The following DMD variants were observed in gnomAD, a reference collection of about 807,000 sequenced individuals.
DMD encodes dystrophin.
A neutral mutation model predicts 330.1 loss-of-function variants in DMD; 63 were observed. The observed-to-expected ratio is 0.19, with a 90% CI of 0.16 to 0.24. The LOEUF is 0.24. DMD is among the 10% of genes least tolerant of loss of function. DMD has a pLI of 1.00. For synonymous variants in DMD, 1,223 were observed against 959.8 expected (o/e 1.27, Z -5.07); for missense variants, 3,344 against 2,684.1 (o/e 1.25, Z -5.43).
intron 60 of DMD, among the ~76,000 whole-genome samples, chrX:31,355,529 C>CA (rs1366986577): frequency 8.9e-6 from 1 of 112,033 alleles, no homozygotes; most frequent in Non-Finnish European, 1.9e-5. Context: ...AAAACAAAAG[C>CA]AAAAGACAGA....
intron 1 of DMD, among the ~76,000 whole-genome samples, chrX:33,174,496 G>T (rs193165941): frequency 9.0e-5 from 10 of 111,254 alleles, no homozygotes; most frequent in East Asian, 2.8e-4. Context: ...GGACTGCATT[G>T]GTCTCTGTAT....
At chrX:31,422,369 A>T (rs1413908670) in intron 60 of DMD, among the ~76,000 whole-genome samples, 1 of 111,230 alleles carries the variant, frequency 9.0e-6, no homozygotes, top group African/African-American at 3.3e-5. Flanking sequence ...ATCTTGGGAA[A>T]CATATAGCTG....
At chrX:31,920,821 G>A (rs1194904901) in intron 47 of DMD, among the ~76,000 whole-genome samples, 2 of 112,190 alleles carry the variant, frequency 1.8e-5, no homozygotes, top group Non-Finnish European at 3.8e-5. Context: ...CTAGGGCACA[G>A]CATACTTAAG....
At chrX:31,596,003 G>A (rs1159555579) in intron 55 of DMD, among the ~76,000 whole-genome samples, 1 of 111,088 alleles carries the variant, frequency 9.0e-6, no homozygotes, top group Non-Finnish European at 1.9e-5. Flanking sequence ...GAAACCATCA[G>A]CAAAAAGCAA....
At chrX:31,668,827 T>G (rs920881606) in intron 53 of DMD, among the ~76,000 whole-genome samples, 4 of 111,927 alleles carry the variant, frequency 3.6e-5, no homozygotes, top group African/African-American at 1.3e-4. Flanking sequence ...AGTTTGACTT[T>G]TTTAGATTCC....
Position 32,365,104 on chromosome X carries a change from C to T in DMD, c.4941G>A (p.Thr1647=), listed in dbSNP as rs750090479. The T allele has an allele frequency of 1.6e-5, 19 of 1,208,527 alleles. No homozygotes were observed. The highest frequency in any genetic ancestry group is 2.3e-4 in the Middle Eastern group (1 of 4,368). The part of the protein sequence containing the change: ...ALKTVLGKKE[T]LVEDKLSLLN... ...GAAGACTGAGTTTATCTTCCACCAA[C>T]GTCTCCTTCTTGCCCAAAACTGTTT... The change falls in exon 35 of 79, where the codon ACG becomes ACA. Residue 1647 remains threonine, a synonymous_variant. Transcript: ENST00000357033.
chrX:31,569,508 G>A (rs2075640508), intron 55 of DMD, among the ~76,000 whole-genome samples: 1 of 105,308 alleles, frequency 9.5e-6, no homozygotes, highest in East Asian at 3.0e-4. Context: ...TACAGTTAGT[G>A]ATCAGTATTG....
chrX:31,414,771 G>A (rs186575842), intron 60 of DMD, among the ~76,000 whole-genome samples: 1 of 112,014 alleles, frequency 8.9e-6, no homozygotes, highest in South Asian at 3.7e-4. Flanking sequence ...ATTTTAATGG[G>A]ATTTCTACAA....
intron 17 of DMD, among the ~76,000 whole-genome samples, chrX:32,532,488 T>G (rs1321838081): frequency 8.9e-6 from 1 of 112,685 alleles, no homozygotes; most frequent in East Asian, 2.8e-4. Flanking sequence ...CTAGCTGCGA[T>G]GCTTCCTGTA....
intron 45 of DMD, among the ~76,000 whole-genome samples, chrX:31,937,145 G>T (rs976670125): frequency 9.0e-6 from 1 of 111,443 alleles, no homozygotes; most frequent in African/African-American, 3.2e-5. Flanking sequence ...AAGAATTACT[G>T]CCTTTCCAAT....
At chrX:31,261,499 C>G (rs1355733227) in intron 62 of DMD, 3 of 146,022 alleles carry the variant, frequency 2.1e-5, no homozygotes, top group Non-Finnish European at 2.7e-5. Context: ...ACTCTTTCCT[C>G]TACATATACA....
At chrX:31,412,972 T>C (rs190284655) in intron 60 of DMD, among the ~76,000 whole-genome samples, 1,268 of 111,974 alleles carry the variant, frequency 0.011, 10 homozygotes, top group Middle Eastern at 0.018. Flanking sequence ...GAAGCTGTCC[T>C]GTATTTTCAT....
chrX:32,820,948 G>C (rs934773519), intron 5 of DMD, among the ~76,000 whole-genome samples: 3 of 111,508 alleles, frequency 2.7e-5, no homozygotes, highest in African/African-American at 9.8e-5. Context: ...GATATTTTGA[G>C]AAGTACTGAG....
intron 63 of DMD, among the ~76,000 whole-genome samples, chrX:31,252,678 C>G (rs1032556323): frequency 9.5e-6 from 1 of 105,177 alleles, no homozygotes; most frequent in Admixed American, 1.1e-4. Flanking sequence ...GAAAACTCTT[C>G]GCCATTGTAA....
intron 2 of DMD, among the ~76,000 whole-genome samples, chrX:32,866,752 G>GGGGGGGGGGGGGGT (rs2082539861): frequency 1.2e-5 from 1 of 84,105 alleles, no homozygotes; most frequent in Non-Finnish European, 2.3e-5. Context: ...TGGGGGGGGG[G>GGGGGGGGGGGGGGT]GGACAGAGTT....
In DMD at chrX:32,331,616, T is replaced by A. The variant is rs181836163; in HGVS notation, c.5922+10484A>T. Among the ~76,000 whole-genome samples, 20 of 111,570 alleles carry A rather than the reference T, an allele frequency of 1.8e-4. No individual in the cohort carries two copies. In the Admixed American group the frequency reaches 1.8e-3, roughly 10 times the overall value. ...TTTATTAATATATTTGACAACACAT[T>A]GCATGATGACTGTAGTCTATTACTG... On this transcript the variant is annotated intron_variant, in intron 41 of 78. Coordinates refer to ENST00000357033, the MANE Select transcript of DMD (RefSeq NM_004006.3).
intron 7 of DMD, among the ~76,000 whole-genome samples, chrX:32,720,917 T>G (rs1054379289): frequency 3.6e-5 from 4 of 111,956 alleles, no homozygotes; most frequent in African/African-American, 1.3e-4. Context: ...CTACTGTCTA[T>G]GTATTCAACT....
chrX:32,176,817 A>G (rs2096908268), intron 44 of DMD, among the ~76,000 whole-genome samples: 1 of 111,039 alleles, frequency 9.0e-6, no homozygotes, highest in Non-Finnish European at 1.9e-5. Flanking sequence ...CTGACTACCC[A>G]ACCCCTCACT....
rs1217939704 is a variant in DMD, at chrX:32,468,848, T to A, written c.2950-138A>T. ...AGATGATCTTCTATCAGTTATAAACTTCTAGTGGTAATTTAAATTTTACAT... is the reference window on the plus strand; with the variant it reads ...AGATGATCTTCTATCAGTTATAAACATCTAGTGGTAATTTAAATTTTACAT... On this transcript the variant is annotated intron_variant, in intron 22 of 78. Transcript: ENST00000357033. The A allele has an allele frequency of 7.8e-6, 4 of 512,190 alleles. No homozygotes were observed. In the African/African-American group the frequency reaches 9.5e-5, roughly 12 times the overall value. The allele number at this position is 512,190 out of a possible 1,213,427, so 42.2% of individuals were successfully genotyped here. A position where few individuals can be genotyped will look rare whatever the true frequency, so the allele number is the denominator to read the frequency against.
Sources: gnomAD v4.1 joint callset for allele counts (sites outside exome capture counted in the v4.1 genomes callset) on GRCh38, gnomAD v4.1.1 for gene constraint, MANE v1.5 for transcripts, NCBI Gene and HGNC (gene_info 2026-07-23, HGNC 2026-07-21) for gene names.